The following KCNMB3 variants were observed in gnomAD, a reference collection of about 807,000 sequenced individuals.
The protein encoded by KCNMB3 is calcium-activated potassium channel subunit beta-3.
KCNMB3 carries 18 observed loss-of-function variants against 11.9 expected under a neutral mutation model. That is an observed-to-expected ratio of 1.51 (90% CI 1.04 to 2.23). The LOEUF is 2.23. KCNMB3 is among the 30% of genes most tolerant of loss of function. The pLI is 0.00. For synonymous variants in KCNMB3, 78 were observed against 119.2 expected (o/e 0.65, Z 2.25); for missense variants, 247 against 329.4 (o/e 0.75, Z 1.94).
chr3:179,257,229 A>G (rs191940143), intron 1 of KCNMB3, among the ~76,000 whole-genome samples: 1 of 152,352 alleles, frequency 6.6e-6, no homozygotes, highest in Admixed American at 6.5e-5. Context: ...TGGTCCCCCA[A>G]CTTAAGATGG....
rs981965748 is a variant in KCNMB3 at position 179,261,447 on chromosome 3, C to G, written c.62+5202G>C. Among the ~76,000 whole-genome samples the G allele has an allele frequency of 7.9e-5, 12 of 152,026 alleles. No individual in the cohort carries two copies. The East Asian group carries it at 1.9e-3, about 24-fold the overall frequency. ...AGAGCCAGCCCGCCGGGGAGCGGCT[C>G]GCGGGACTGGGCTCGGGCGCAGCCG... is the stretch of plus-strand genomic sequence containing the variant. On this transcript the variant is annotated intron_variant, in intron 1 of 3. Transcript: ENST00000349697.
intron 1 of KCNMB3, among the ~76,000 whole-genome samples, chr3:179,265,242 C>G (rs749321753): frequency 1.3e-5 from 2 of 152,154 alleles, no homozygotes; most frequent in Admixed American, 1.3e-4. Context: ...TCCCTGAACC[C>G]CCATCTTATC....
chr3:179,256,598 T>G (rs1169215563), upstream of KCNMB3, among the ~76,000 whole-genome samples: 1 of 152,114 alleles, frequency 6.6e-6, no homozygotes, highest in African/African-American at 2.4e-5. Flanking sequence ...ATAAAGACAT[T>G]AATTTCATGT....
chr3:179,266,594 A>G, intron 1 of KCNMB3: 1 of 1,603,468 alleles, frequency 6.2e-7, no homozygotes, highest in Non-Finnish European at 8.5e-7. Flanking sequence ...CTCTTCTTGC[A>G]ACTGCTTGTT....
intron 1 of KCNMB3, among the ~76,000 whole-genome samples, chr3:179,246,827 T>C (rs2108442019): frequency 6.6e-6 from 1 of 152,336 alleles, no homozygotes; most frequent in South Asian, 2.1e-4. Flanking sequence ...AGCTTCAAAA[T>C]AGAGTGGGAC....
chr3:179,261,478 G>A (rs922202587), intron 1 of KCNMB3, among the ~76,000 whole-genome samples: 1 of 151,736 alleles, frequency 6.6e-6, no homozygotes, highest in African/African-American at 2.4e-5. Flanking sequence ...AGCCGGCAGG[G>A]GCGGGGCGTA....
At chr3:179,261,380 G>T (rs112602909) in intron 1 of KCNMB3, 185,226 of 1,105,024 alleles carry the variant, frequency 0.17, 16,172 homozygotes, top group Non-Finnish European at 0.18. Flanking sequence ...CGCGGAGACG[G>T]AGCCACTCGC....
In KCNMB3 at chr3:179,242,880, C is replaced by T; in HGVS notation, c.*24G>A. On this transcript the variant is annotated 3_prime_UTR_variant, in exon 3 of 3. Coordinates refer to ENST00000392685, the MANE Select transcript of KCNMB3 (RefSeq NM_171830.2). Reference sequence around the variant, plus strand: ...GCAGAAATCACAGACATCTGAAGGCCAGCACTTTAATTTGGCCACCGTCTT... The same window carrying T: ...GCAGAAATCACAGACATCTGAAGGCTAGCACTTTAATTTGGCCACCGTCTT... The T allele has an allele frequency of 1.3e-6, 2 of 1,559,406 alleles. No homozygotes were observed. The highest frequency in any genetic ancestry group is 1.4e-5 in the African/African-American group (1 of 73,562).
chr3:179,242,746 T>C (rs867817362), downstream of KCNMB3: 105 of 1,150,150 alleles, frequency 9.1e-5, no homozygotes, highest in Middle Eastern at 9.2e-4. Flanking sequence ...TAGAAATAAA[T>C]AGAATACAAA....
downstream of KCNMB3, chr3:179,241,669 A>C (rs540796981): frequency 6.6e-6 from 1 of 152,310 alleles, no homozygotes; most frequent in South Asian, 2.1e-4. Context: ...GATTCGGCTT[A>C]ATCAACCTGG....
At chr3:179,255,835 A>G (rs1725994536), upstream of KCNMB3, among the ~76,000 whole-genome samples, 1 of 152,236 alleles carries the variant, frequency 6.6e-6, no homozygotes, top group Non-Finnish European at 1.5e-5. Flanking sequence ...ATTAACTTCA[A>G]AGTAATGACA....
At chr3:179,257,078 TGCTTGAGC>T (rs1726034343) in intron 1 of KCNMB3, among the ~76,000 whole-genome samples, 1 of 152,174 alleles carries the variant, frequency 6.6e-6, no homozygotes, top group South Asian at 2.1e-4. Context: ...CCAGGAGGAT[TGCTTGAGC>T]CCAGGTGTTT....
At position 179,250,893 on chromosome 3, in the gene KCNMB3, T is replaced by C. The variant is rs1232479859; in HGVS notation, c.98A>G (p.Tyr33Cys). 21 of 1,614,036 alleles carry C rather than the reference T, an allele frequency of 1.3e-5. No individual in the cohort carries two copies. The highest frequency in any genetic ancestry group is 5.5e-5 in the South Asian group (5 of 91,080). The stretch of plus-strand genomic sequence containing the variant: ...CACATCTAGTGGGTCTCCATCACTG[T>C]AGTCTGTCTCTCTCTTCTTCCCTGA... Reference protein sequence around the residue: ...PASGKKRETDYSDGDPLDVHK... With the variant: ...PASGKKRETDCSDGDPLDVHK... The change falls in exon 1 of 3, where the codon TAC (tyrosine) becomes TGC (cysteine). Residue 33 changes from tyrosine (Y) to cysteine (C), a missense_variant. Coordinates refer to ENST00000392685, the MANE Select transcript of KCNMB3 (RefSeq NM_171830.2).
At chr3:179,263,757 T>C (rs1473642080) in intron 1 of KCNMB3, among the ~76,000 whole-genome samples, 1 of 150,666 alleles carries the variant, frequency 6.6e-6, no homozygotes, top group Non-Finnish European at 1.5e-5. Context: ...TTAGGTTTTT[T>C]GTTTTTTGTT....
exon 1 of KCNMB3, chr3:179,266,954 A>T (rs1576967395): frequency 1.5e-6 from 2 of 1,297,040 alleles, no homozygotes. Flanking sequence ...ATCAAGAAGG[A>T]CCTGCGTGGT....
intron 1 of KCNMB3, among the ~76,000 whole-genome samples, chr3:179,246,813 A>G (rs944134097): frequency 1.3e-5 from 2 of 152,252 alleles, no homozygotes; most frequent in African/African-American, 4.8e-5. Flanking sequence ...TAAAGATTTT[A>G]GAAAGCTTCA....
rs938289097 is a variant in KCNMB3 at position 179,251,094 on chromosome 3, A to G, written c.-104T>C. On this transcript the variant is annotated 5_prime_UTR_variant, in exon 1 of 3. Coordinates refer to ENST00000392685, the MANE Select transcript of KCNMB3 (RefSeq NM_171830.2). ...TGAAATCCCAGTTCAGAGCTTGGTG[A>G]AAAGTCCATCTAAATAAGCTAAAGT... The G allele has an allele frequency of 2.1e-5, 34 of 1,614,112 alleles. No individual in the cohort carries two copies. Among genetic ancestry groups the G allele is most frequent in the Non-Finnish European group, 2.9e-5 (34 of 1,180,034 alleles).
At chr3:179,249,182 T>C (rs937340610) in intron 1 of KCNMB3, among the ~76,000 whole-genome samples, 2 of 150,866 alleles carry the variant, frequency 1.3e-5, no homozygotes, top group African/African-American at 4.9e-5. Flanking sequence ...CCAGCTAATT[T>C]TTTTGTATTT....
At chr3:179,259,375 C>G (rs975769349) in intron 1 of KCNMB3, 14 of 1,573,398 alleles carry the variant, frequency 8.9e-6, no homozygotes, top group African/African-American at 1.4e-5. Context: ...TCACCACCAG[C>G]CCTCGGGCCT....
Sources: gnomAD v4.1 joint callset for allele counts (sites outside exome capture counted in the v4.1 genomes callset) on GRCh38, gnomAD v4.1.1 for gene constraint, MANE v1.5 for transcripts, NCBI Gene and HGNC (gene_info 2026-07-23, HGNC 2026-07-21) for gene names.